The following FBLN2 variants were observed in gnomAD, a reference collection of about 807,000 sequenced individuals.
FBLN2 encodes fibulin-2.
A neutral mutation model predicts 123.7 loss-of-function variants in FBLN2; 81 were observed. The ratio of observed to expected loss-of-function variants is 0.65; its 90% CI spans 0.55 to 0.79. FBLN2 has a LOEUF of 0.79. FBLN2 is among the 30% of genes least tolerant of loss of function. The probability of loss-of-function intolerance (pLI) is 0.00; values close to 1 mark genes in which losing one functional copy is unlikely to be tolerated. For missense variants in FBLN2, 1,603 were observed against 1,681.3 expected (o/e 0.95, Z 0.81); for synonymous variants, 699 against 701.4 (o/e 1.00, Z 0.05).
At chr3:13,618,376 T>A in intron 6 of FBLN2, 91 bp downstream of exon 6, 1 of 1,203,440 alleles carries the variant, frequency 8.3e-7, no homozygotes, top group Non-Finnish European at 1.2e-6. Flanking sequence ...TGTGGGGTCC[T>A]TCACTTCCTG....
intron 1 of FBLN2, among the ~76,000 whole-genome samples, chr3:13,563,928 C>T (rs904757875): frequency 2.0e-5 from 3 of 152,162 alleles, no homozygotes; most frequent in East Asian, 1.9e-4. Context: ...GGACAAGAGA[C>T]GCTCAGGCCT....
chr3:13,588,355 AAC>A (rs576240840), intron 2 of FBLN2, among the ~76,000 whole-genome samples: 60 of 152,346 alleles, frequency 3.9e-4, no homozygotes, highest in South Asian at 8.3e-4. Context: ...GACACCACCT[AAC>A]CACGCATTTC....
At chr3:13,593,090 C>T (rs140338235) in intron 2 of FBLN2, among the ~76,000 whole-genome samples, 78 of 152,302 alleles carry the variant, frequency 5.1e-4, no homozygotes, top group Non-Finnish European at 9.4e-4. Flanking sequence ...AACATAGTCA[C>T]GAGGTCAGCC....
At chr3:13,622,048 G>C in intron 9 of FBLN2, 133 bp downstream of exon 9, 2 of 1,081,444 alleles carry the variant, frequency 1.8e-6, no homozygotes, top group South Asian at 1.6e-5. Context: ...CGGCATCTCC[G>C]TGCTCTATGT....
chr3:13,556,370 G>A (rs891081853), intron 1 of FBLN2, among the ~76,000 whole-genome samples: 6 of 152,062 alleles, frequency 3.9e-5, no homozygotes, highest in African/African-American at 1.2e-4. Flanking sequence ...GAGGGAGGGA[G>A]GGAGGGAGAG....
intron 16 of FBLN2, among the ~76,000 whole-genome samples, chr3:13,632,859 G>A (rs1706304339): frequency 1.3e-5 from 2 of 152,074 alleles, no homozygotes; most frequent in South Asian, 2.1e-4. Context: ...AAAAAAGTCG[G>A]TATGGACTCC....
intron 2 of FBLN2, among the ~76,000 whole-genome samples, chr3:13,577,712 C>A (rs1289216425): frequency 6.6e-6 from 1 of 152,190 alleles, no homozygotes; most frequent in Non-Finnish European, 1.5e-5. Flanking sequence ...AGAATGGGAG[C>A]AGGTGGCTGC....
chr3:13,601,796 A>G (rs1403205740), intron 2 of FBLN2, among the ~76,000 whole-genome samples: 1 of 152,182 alleles, frequency 6.6e-6, no homozygotes, highest in Non-Finnish European at 1.5e-5. Context: ...GACTGCTGTG[A>G]GAGGGTTATT....
chr3:13,586,118 A>C (rs1704489288), intron 2 of FBLN2, among the ~76,000 whole-genome samples: 1 of 152,140 alleles, frequency 6.6e-6, no homozygotes, highest in Non-Finnish European at 1.5e-5. Context: ...GGAAGGCGGT[A>C]ATATTGATGA....
In FBLN2 at chr3:13,586,512, T is replaced by TA. The variant is rs1485736008; in HGVS notation, c.1306+14852dup. The stretch of plus-strand genomic sequence containing the variant: ...TCTTAGTTGTTTTTTTTTTTTTTTT[T>TA]ATTGAAATGGAGTCTTGCTCTGTCA... On this transcript the variant is annotated intron_variant, in intron 2 of 17. Coordinates refer to ENST00000404922, the MANE Select transcript of FBLN2 (RefSeq NM_001004019.2). 6.3e-3 allele frequency among the ~76,000 whole-genome samples: 935 copies of TA among 147,802 alleles called. 10 individuals carry two copies. The highest frequency in any genetic ancestry group is 0.022 in the African/African-American group (867 of 39,864).
intron 17 of FBLN2, 92 bp downstream of exon 17, chr3:13,636,660 T>G: frequency 6.9e-7 from 1 of 1,456,862 alleles, no homozygotes; most frequent in Non-Finnish European, 9.3e-7. Flanking sequence ...CCTGCCTTGA[T>G]CACCTCCCTC....
In FBLN2 at chr3:13,627,753, G is replaced by A. The variant is rs111799028; in HGVS notation, c.2432-79G>A. 2.5e-4 allele frequency: 364 copies of A among 1,482,456 alleles called. 1 individual carries two copies. The African/African-American group carries it at 3.7e-3, about 15-fold the overall frequency. The allele number at this position is 1,482,456 out of a possible 1,614,324, so 91.8% of individuals were successfully genotyped here. A position where few individuals can be genotyped will look rare whatever the true frequency, so the allele number is the denominator to read the frequency against. Reference sequence around the variant, plus strand: ...CCATCAGGGTCATGGGTCTGAGGGCGGGGATGTGTGGGCAGGGCTGCTGAG... The same window carrying A: ...CCATCAGGGTCATGGGTCTGAGGGCAGGGATGTGTGGGCAGGGCTGCTGAG... On this transcript the variant is annotated intron_variant, in intron 10 of 17. Transcript: ENST00000404922.
In FBLN2 at chr3:13,561,151, G is replaced by A. The variant is rs561313088; in HGVS notation, c.-41-9164G>A. Reference sequence around the variant, plus strand: ...ACTCCTGCTTGACTTTCTAGTTCTGGTTCCTACATTTGCAGTCCCTAAATG... The same window carrying A: ...ACTCCTGCTTGACTTTCTAGTTCTGATTCCTACATTTGCAGTCCCTAAATG... On this transcript the variant is annotated intron_variant, in intron 1 of 17. Transcript: ENST00000404922. Among the ~76,000 whole-genome samples, 6 of 152,194 alleles carry A rather than the reference G, an allele frequency of 3.9e-5. No individual in the cohort carries two copies. The East Asian group carries it at 1.2e-3, about 29-fold the overall frequency.
chr3:13,599,539 G>T (rs1704955229), intron 2 of FBLN2, among the ~76,000 whole-genome samples: 1 of 151,294 alleles, frequency 6.6e-6, no homozygotes, highest in African/African-American at 2.4e-5. Flanking sequence ...GATCCAATCT[G>T]ATTTGTATTT....
At chr3:13,597,644 G>A (rs1047555677) in intron 2 of FBLN2, among the ~76,000 whole-genome samples, 4 of 152,210 alleles carry the variant, frequency 2.6e-5, no homozygotes, top group African/African-American at 9.6e-5. Flanking sequence ...TCTCTCATTT[G>A]TGGGCACTTG....
intron 2 of FBLN2, among the ~76,000 whole-genome samples, chr3:13,588,129 T>C (rs1704564749): frequency 6.6e-6 from 1 of 152,228 alleles, no homozygotes; most frequent in South Asian, 2.1e-4. Flanking sequence ...CTTTTTATCT[T>C]TTATATCATA....
intron 2 of FBLN2, among the ~76,000 whole-genome samples, chr3:13,573,868 C>T (rs1704044104): frequency 6.8e-6 from 1 of 147,524 alleles, no homozygotes; most frequent in Non-Finnish European, 1.5e-5. Context: ...CCATTGCACT[C>T]CAGCCTGGGC....
At chr3:13,572,110 A>G (rs1446490801) in intron 2 of FBLN2, among the ~76,000 whole-genome samples, 1 of 152,208 alleles carries the variant, frequency 6.6e-6, no homozygotes, top group South Asian at 2.1e-4. Flanking sequence ...TTTTCAACAA[A>G]TGTCAGCCAG....
In FBLN2 at chr3:13,571,320, A is replaced by AGAGGGCAGAAGCTGGGGC. The variant is rs770806488; in HGVS notation, c.966_983dup (p.Ala330_Arg335dup). Reference sequence around the variant, plus strand: ...GGACCCAGTCTTCCTATCCAGGAGGAGAGGGCAGAAGCTGGGGCAAGGGCA... The same window carrying AGAGGGCAGAAGCTGGGGC: ...GGACCCAGTCTTCCTATCCAGGAGGAGAGGGCAGAAGCTGGGGCGAGGGCAGAAGCTGGGGCAAGGGCA... On this transcript the variant is annotated inframe_insertion, in exon 2 of 18. Transcript: ENST00000404922. 37 of 1,602,438 alleles carry AGAGGGCAGAAGCTGGGGC rather than the reference A, an allele frequency of 2.3e-5. No individual in the cohort carries two copies. Among genetic ancestry groups the AGAGGGCAGAAGCTGGGGC allele is most frequent in the Non-Finnish European group, 6.0e-6 (7 of 1,174,990 alleles).
Sources: allele counts gnomAD v4.1 joint callset (sites outside exome capture counted in the v4.1 genomes callset), GRCh38; gene constraint gnomAD v4.1.1; transcripts MANE v1.5; gene names NCBI Gene and HGNC (gene_info 2026-07-23, HGNC 2026-07-21).